Variants in IK observed in about 807,000 individuals in gnomAD.
IK encodes protein Red.
IK carries 47 observed loss-of-function variants against 90.9 expected under a neutral mutation model. That is an observed-to-expected ratio of 0.52 (90% CI 0.41 to 0.66). The LOEUF is 0.66. Ranked by LOEUF, IK falls within the 30% of genes least tolerant of loss-of-function variation. The pLI is 0.00. For synonymous variants in IK, 201 were observed against 227.5 expected (o/e 0.88, Z 1.05); for missense variants, 385 against 709.3 (o/e 0.54, Z 5.19).
chr5:140,653,244 A>G (rs1757644869), intron 5 of IK, 100 bp downstream of exon 5: 1 of 1,052,952 alleles, frequency 9.5e-7, no homozygotes, highest in Non-Finnish European at 1.4e-6. Context: ...GGAGCCTACA[A>G]TAAGCGATTT....
At chr5:140,653,165 G>A (rs760460469) in intron 5 of IK, 21 bp downstream of exon 5, 1 of 1,604,654 alleles carries the variant, frequency 6.2e-7, no homozygotes, top group Admixed American at 1.7e-5. Flanking sequence ...AGGGAACAGG[G>A]CATGGTTCCC....
At chr5:140,654,082 T>C (rs1306661354) in intron 6 of IK, 30 bp downstream of exon 6, 19 of 1,275,574 alleles carry the variant, frequency 1.5e-5, no homozygotes, top group Non-Finnish European at 1.9e-5. Context: ...TGGGGAGTAA[T>C]ACTGTCGTGC....
At chr5:140,649,661 C>T (rs1191025616) in intron 2 of IK, among the ~76,000 whole-genome samples, 1 of 152,052 alleles carries the variant, frequency 6.6e-6, no homozygotes, top group Non-Finnish European at 1.5e-5. Flanking sequence ...TCAGTTTCCC[C>T]AGTAGCTGGG....
At chr5:140,660,718 C>T (rs565585042) in intron 15 of IK, 40 bp from the exon 16 acceptor site, 1 of 1,523,052 alleles carries the variant, frequency 6.6e-7, no homozygotes, top group African/African-American at 1.4e-5. Flanking sequence ...AGCATAGGGT[C>T]AGGGTATGCA....
intron 10 of IK, among the ~76,000 whole-genome samples, chr5:140,658,197 G>C (rs890039481): frequency 2.6e-5 from 4 of 151,996 alleles, no homozygotes; most frequent in African/African-American, 9.7e-5. Context: ...GTAGAGATGG[G>C]GTTTCACTGT....
chr5:140,658,604 G>C (rs893481999), intron 10 of IK, 133 bp from the exon 11 acceptor site: 2 of 732,698 alleles, frequency 2.7e-6, no homozygotes, highest in Non-Finnish European at 4.7e-6. Flanking sequence ...ACAGGCGTGA[G>C]CCACCGCACC....
At chr5:140,651,589 CAG>C in intron 2 of IK, 123 bp from the exon 3 acceptor site, 1 of 524,638 alleles carries the variant, frequency 1.9e-6, no homozygotes, top group Non-Finnish European at 3.4e-6. Flanking sequence ...AAAAAAAAAA[CAG>C]TGTCATATCT....
chr5:140,659,714 A>C, intron 13 of IK, 42 bp from the exon 14 acceptor site: 1 of 1,263,078 alleles, frequency 7.9e-7, no homozygotes, highest in Non-Finnish European at 1.1e-6. Context: ...AGGTTGTGAG[A>C]GCCTCAGTTC....
chr5:140,659,006 A>C lies in IK; in HGVS notation c.1018A>C (p.Arg340=). The C allele has an allele frequency of 6.2e-7, 1 of 1,613,624 alleles. No homozygotes were observed. Among genetic ancestry groups the C allele is most frequent in the Non-Finnish European group, 8.5e-7 (1 of 1,179,566 alleles). The change falls in exon 12 of 20, where the codon AGA becomes CGA. Residue 340 remains arginine (R), a synonymous_variant. Transcript: ENST00000417647. ...GACACCTCGGGACAAGGAGCGGGAGAGATATCGGGAACGGGAGCGTGATCG... is the reference window on the plus strand; with the variant it reads ...GACACCTCGGGACAAGGAGCGGGAGCGATATCGGGAACGGGAGCGTGATCG... ...TKTPRDKERE[R]YRERERDRER...
chr5:140,654,798 G>T, intron 8 of IK, 71 bp downstream of exon 8: 1 of 1,000,222 alleles, frequency 1.0e-6, no homozygotes, highest in Non-Finnish European at 1.5e-6. Context: ...CTCTGGGAAG[G>T]ATATGCTTCT....
At chr5:140,648,134 C>G (rs1467811281) in intron 1 of IK, 3 of 719,532 alleles carry the variant, frequency 4.2e-6, no homozygotes, top group South Asian at 2.9e-5. Context: ...AGTCCTCACT[C>G]CTACTCCAAG....
chr5:140,652,037 T>C lies in IK; in HGVS notation c.177-51T>C, dbSNP rs150612854. 8.6e-5 allele frequency: 123 copies of C among 1,431,144 alleles called. No individual in the cohort carries two copies. In the African/African-American group the frequency reaches 1.6e-3, roughly 18 times the overall value. 88.7% of individuals were successfully genotyped at this position (1,431,144 alleles called of 1,614,324 possible). On this transcript the variant is annotated intron_variant, in intron 3 of 19. Transcript: ENST00000417647. ...ATCCTCAAGGAGACTTCTTGGGGTT[T>C]CTGGGGCTGTGGCAATATTTTGCTA... is the stretch of plus-strand genomic sequence containing the variant.
chr5:140,660,572 A>ACAGGAG (rs1757787873), intron 15 of IK, 186 bp from the exon 16 acceptor site: 3 of 575,164 alleles, frequency 5.2e-6, no homozygotes, highest in Non-Finnish European at 6.2e-6. Flanking sequence ...TGCGGGGATT[A>ACAGGAG]CAGGAGTGAG....
chr5:140,657,002 G>A (rs765149479), intron 9 of IK, among the ~76,000 whole-genome samples: 6 of 152,128 alleles, frequency 3.9e-5, no homozygotes, highest in African/African-American at 9.7e-5. Flanking sequence ...CTTGAGGTTA[G>A]GAGTTCAATA....
At position 140,655,983 on chromosome 5, in the gene IK, C is replaced by T; in HGVS notation, c.792C>T (p.Pro264=). The T allele has an allele frequency of 6.4e-7, 1 of 1,552,300 alleles. No individual in the cohort carries two copies. The highest frequency in any genetic ancestry group is 2.0e-5 in the Admixed American group (1 of 51,030). The part of the protein sequence containing the change: ...TTLIRSKADC[P]TMEAQTTLTT... ...TTATCCGCAGCAAGGCTGATTGCCC[C>T]ACCATGGAGGTGAGTGAATGGAATC... is the stretch of plus-strand genomic sequence containing the variant. Residue 264 remains proline (P), a synonymous_variant, in exon 9 of 20, where the codon CCC becomes CCT. Transcript: ENST00000417647.
At chr5:140,650,206 C>T (rs1330893286) in intron 2 of IK, among the ~76,000 whole-genome samples, 1 of 152,198 alleles carries the variant, frequency 6.6e-6, no homozygotes, top group Non-Finnish European at 1.5e-5. Flanking sequence ...GAATTAAGTT[C>T]AGTCTCTCTA....
At chr5:140,660,289 C>CTTATTTT in intron 15 of IK, 94 bp downstream of exon 15, 1 of 282,638 alleles carries the variant, frequency 3.5e-6, no homozygotes, top group Non-Finnish European at 6.2e-6. Flanking sequence ...CCCAGGGCTA[C>CTTATTTT]TTCTTTTTTT....
intron 15 of IK, 98 bp downstream of exon 15, chr5:140,660,293 T>C (rs961634328): frequency 3.8e-4 from 38 of 101,062 alleles, no homozygotes; most frequent in Non-Finnish European, 5.8e-4. Flanking sequence ...GGGCTACTTC[T>C]TTTTTTTTTT....
intron 9 of IK, 28 bp downstream of exon 9, chr5:140,656,020 T>C: frequency 6.5e-7 from 1 of 1,549,538 alleles, no homozygotes; most frequent in East Asian, 2.4e-5. Flanking sequence ...TGAGAGCCTA[T>C]CATGTGAGCC....
Sources: gnomAD v4.1 joint callset for allele counts (sites outside exome capture counted in the v4.1 genomes callset) on GRCh38, gnomAD v4.1.1 for gene constraint, MANE v1.5 for transcripts, NCBI Gene and HGNC (gene_info 2026-07-23, HGNC 2026-07-21) for gene names.